Variants in KIF26B observed in about 807,000 individuals in gnomAD.
KIF26B encodes the protein kinesin-like protein KIF26B.
Under a neutral mutation model 151.2 loss-of-function variants are expected in KIF26B, and 63 were observed. That is an observed-to-expected ratio of 0.42 (90% CI 0.34 to 0.51). The LOEUF (loss-of-function observed/expected upper bound fraction) is 0.51, where lower values mean the gene tolerates loss of function less well. Among genes scored for constraint, KIF26B ranks in the 20% least tolerant of loss-of-function variants. The pLI is 0.07. For missense variants in KIF26B, 2,813 were observed against 2,913.6 expected, an observed-to-expected ratio of 0.97 and a Z score of 0.79; for synonymous variants, 1,357 against 1,262.1, an observed-to-expected ratio of 1.08 and a Z score of -1.59.
intron 2 of KIF26B, among the ~76,000 whole-genome samples, chr1:245,284,645 C>G (rs1452089273): frequency 6.6e-6 from 1 of 152,152 alleles, no homozygotes; most frequent in Non-Finnish European, 1.5e-5. Context: ...TCCTATACTT[C>G]TAAAAATGTA....
At chr1:245,410,708 C>T (rs1194551095) in intron 3 of KIF26B, among the ~76,000 whole-genome samples, 1 of 152,166 alleles carries the variant, frequency 6.6e-6, no homozygotes, top group African/African-American at 2.4e-5. Context: ...CCTCGGCCCC[C>T]CAAAGGCTTG....
rs907695425 is a variant in KIF26B at position 245,702,747 on chromosome 1, C to A, written c.*141C>A. 1 of 914,746 alleles carries A rather than the reference C, an allele frequency of 1.1e-6. No individual in the cohort carries two copies. The highest frequency in any genetic ancestry group is 2.6e-5 in the East Asian group (1 of 39,162). The allele number at this position is 914,746 out of a possible 1,614,324, so 56.7% of individuals were successfully genotyped here. ...TGGCAAGTCTGGAGCGGGCGTTGAG[C>A]GGAAGGCGAGTTTTCTTTTGTTTTC... On this transcript the variant is annotated 3_prime_UTR_variant, in exon 15 of 15. Coordinates refer to ENST00000407071, the MANE Select transcript of KIF26B (RefSeq NM_018012.4). This position sits in a 1 kb window ranked among gnomAD's most constrained non-coding sequence, Gnocchi z 4.1.
chr1:245,307,858 A>G (rs1671587274), intron 2 of KIF26B, among the ~76,000 whole-genome samples: 1 of 151,674 alleles, frequency 6.6e-6, no homozygotes, highest in South Asian at 2.1e-4. Context: ...CTCCTGCCTC[A>G]GCCTCCCAAG....
chr1:245,240,806 G>A (rs1670200641), intron 2 of KIF26B, among the ~76,000 whole-genome samples: 1 of 152,214 alleles, frequency 6.6e-6, no homozygotes, highest in South Asian at 2.1e-4. Flanking sequence ...CCTGCCAGAG[G>A]GAGGCTGGAG....
chr1:245,442,704 T>G (rs55755820), intron 4 of KIF26B, among the ~76,000 whole-genome samples: 10,866 of 134,590 alleles, frequency 0.081, 237 homozygotes, highest in African/African-American at 0.14. Context: ...CACCTAGAGC[T>G]GTCATCTCCC....
chr1:245,182,705 G>A (rs1292300419), intron 2 of KIF26B, among the ~76,000 whole-genome samples: 6 of 151,976 alleles, frequency 3.9e-5, no homozygotes, highest in Non-Finnish European at 5.9e-5. Flanking sequence ...GCGCCATCTC[G>A]GCTCACTGCA....
At chr1:245,604,917 G>A (rs2043434683) in intron 6 of KIF26B, among the ~76,000 whole-genome samples, 2 of 152,142 alleles carry the variant, frequency 1.3e-5, no homozygotes, top group Non-Finnish European at 2.9e-5. Flanking sequence ...GTTCTCATGT[G>A]ACACACAAGG....
intron 4 of KIF26B, among the ~76,000 whole-genome samples, chr1:245,420,743 G>C (rs189560658): frequency 3.3e-4 from 51 of 152,366 alleles, no homozygotes; most frequent in Admixed American, 1.3e-3. Context: ...AAGATGATGA[G>C]AAATTATAAA....
At chr1:245,464,069 GTCTT>G (rs1339143457) in intron 4 of KIF26B, among the ~76,000 whole-genome samples, 2 of 152,090 alleles carry the variant, frequency 1.3e-5, no homozygotes, top group African/African-American at 4.8e-5. Flanking sequence ...ACCCTTTCTA[GTCTT>G]TCTTCAAACT....
At chr1:245,231,430 C>T (rs896310260) in intron 2 of KIF26B, among the ~76,000 whole-genome samples, 29 of 152,210 alleles carry the variant, frequency 1.9e-4, no homozygotes, top group Admixed American at 1.2e-3. Flanking sequence ...GCAGGAGAAT[C>T]GCTTGATCCC....
chr1:245,522,934 TC>T (rs1224345671), intron 4 of KIF26B, among the ~76,000 whole-genome samples: 1 of 152,208 alleles, frequency 6.6e-6, no homozygotes, highest in African/African-American at 2.4e-5. Flanking sequence ...GATATAGTTT[TC>T]ATATTAATGT....
intron 2 of KIF26B, among the ~76,000 whole-genome samples, chr1:245,249,489 ATTTTTTTTT>A (rs60378504): frequency 3.8e-5 from 3 of 79,808 alleles, no homozygotes; most frequent in Non-Finnish European, 7.5e-5. Flanking sequence ...GTGTTAATCT[ATTTTTTTTT>A]TTTTTTTTTT....
At chr1:245,664,086 C>T (rs780535646) in intron 10 of KIF26B, among the ~76,000 whole-genome samples, 12 of 152,238 alleles carry the variant, frequency 7.9e-5, no homozygotes, top group Non-Finnish European at 1.3e-4. Flanking sequence ...ATAATATCCA[C>T]GGCCGGGCAT....
chr1:245,584,779 A>G (rs1296926252), intron 5 of KIF26B, among the ~76,000 whole-genome samples: 1 of 152,238 alleles, frequency 6.6e-6, no homozygotes, highest in Non-Finnish European at 1.5e-5. Flanking sequence ...GAGTTGTACA[A>G]CTTTTAAAAG....
At chr1:245,255,417 G>A (rs756105991) in intron 2 of KIF26B, among the ~76,000 whole-genome samples, 1 of 152,174 alleles carries the variant, frequency 6.6e-6, no homozygotes, top group Non-Finnish European at 1.5e-5. Context: ...ATTCCTGATT[G>A]GAGCTGTGTG....
intron 2 of KIF26B, among the ~76,000 whole-genome samples, chr1:245,330,318 C>T (rs1004842954): frequency 7.6e-6 from 1 of 131,840 alleles, no homozygotes; most frequent in African/African-American, 3.0e-5. Flanking sequence ...AGTCACATGG[C>T]CTCATGTGAA....
At chr1:245,649,632 G>C (rs1052799352) in intron 10 of KIF26B, among the ~76,000 whole-genome samples, 1 of 152,004 alleles carries the variant, frequency 6.6e-6, no homozygotes, top group South Asian at 2.1e-4. Context: ...GGAGGGTGGC[G>C]GGGGGAACAA....
intron 2 of KIF26B, among the ~76,000 whole-genome samples, chr1:245,311,052 A>G (rs1671656567): frequency 6.6e-6 from 1 of 152,150 alleles, no homozygotes; most frequent in Non-Finnish European, 1.5e-5. Flanking sequence ...AGTCTGTGTC[A>G]ACATCAGCAT....
intron 5 of KIF26B, among the ~76,000 whole-genome samples, chr1:245,579,756 G>A (rs2043156645): frequency 1.3e-5 from 2 of 152,096 alleles, no homozygotes. Context: ...GCTGAGGCAG[G>A]AGAATCACTT....
Sources: allele counts gnomAD v4.1 joint callset (sites outside exome capture counted in the v4.1 genomes callset), GRCh38; gene constraint gnomAD v4.1.1; non-coding constraint Gnocchi (gnomAD v3.1); transcripts MANE v1.5; gene names NCBI Gene and HGNC (gene_info 2026-07-23, HGNC 2026-07-21).